CSTF3: variants seen among roughly 807,000 people sequenced by gnomAD.
CSTF3 encodes CF-1 77 kDa subunit.
A neutral mutation model predicts 105.8 loss-of-function variants in CSTF3; 29 were observed. That is an observed-to-expected ratio of 0.27 (90% CI 0.20 to 0.37). The LOEUF (loss-of-function observed/expected upper bound fraction) is 0.37, where lower values mean the gene tolerates loss of function less well. Among genes scored for constraint, CSTF3 ranks in the 10% least tolerant of loss-of-function variants. The pLI is 1.00. For missense variants in CSTF3, 357 were observed against 879.3 expected, an observed-to-expected ratio of 0.41 and a Z score of 7.51; for synonymous variants, 252 against 281.9, an observed-to-expected ratio of 0.89 and a Z score of 1.06.
rs1720415537 is a variant in CSTF3 at position 33,090,565 on chromosome 11, G to A, written c.1608C>T (p.Cys536=). 5 of 1,602,346 alleles carry A rather than the reference G, an allele frequency of 3.1e-6. No homozygotes were observed. The South Asian group carries it at 3.4e-5, about 11-fold the overall frequency. Residue 536 remains cysteine (C), a synonymous_variant, in exon 17 of 21, where the codon TGC becomes TGT. Coordinates refer to ENST00000323959, the MANE Select transcript of CSTF3 (RefSeq NM_001326.3). ...DRYKFMDLYP[C]SASELKALGY... The stretch of plus-strand genomic sequence containing the variant: ...CAAGTGCTTTTAATTCACTTGCAGA[G>A]CAAGGATATAAATCCATGAACTTGT...
intron 19 of CSTF3, 59 bp downstream of exon 19, chr11:33,085,836 T>C (rs369652270): frequency 1.5e-5 from 24 of 1,590,500 alleles, no homozygotes; most frequent in Non-Finnish European, 1.4e-5. Context: ...GTAGTAACTT[T>C]ATACACAATT....
rs1855258761 is a variant in CSTF3 at position 33,099,555 on chromosome 11, G to C, written c.936+53C>G. ...CAGTTATATTTTTCAGTAAATAATT[G>C]CTATATCAAAACCACAAAAATATCA... On this transcript the variant is annotated intron_variant, in intron 11 of 20. Coordinates refer to ENST00000323959, the MANE Select transcript of CSTF3 (RefSeq NM_001326.3). This position sits in a 1 kb window ranked among gnomAD's most constrained non-coding sequence, Gnocchi z 4.1. 2.7e-6 allele frequency: 3 copies of C among 1,130,358 alleles called. No homozygotes were observed. The Admixed American group carries it at 7.0e-5, about 26-fold the overall frequency. The allele number at this position is 1,130,358 out of a possible 1,614,324, so 70.0% of individuals were successfully genotyped here.
intron 3 of CSTF3, among the ~76,000 whole-genome samples, chr11:33,128,575 T>A (rs1444087662): frequency 6.6e-6 from 1 of 152,130 alleles, no homozygotes; most frequent in Non-Finnish European, 1.5e-5. Flanking sequence ...TCATGCTTAT[T>A]CTCCAATTAT....
At position 33,141,771 on chromosome 11, in the gene CSTF3, GA is replaced by G; in HGVS notation, c.130-10del. ...TTGTCTATAGGTTGATTCTAAAATT[GA>G]AAACCAATAAACAGCATTTACAATG... On this transcript the variant is annotated splice_polypyrimidine_tract_variant and intron_variant, in intron 2 of 20. Transcript: ENST00000323959. The G allele has an allele frequency of 6.3e-7, 1 of 1,584,494 alleles. No homozygotes were observed.
intron 1 of CSTF3, chr11:33,144,750 G>A (rs1855759384): frequency 6.5e-6 from 1 of 153,238 alleles, no homozygotes; most frequent in African/African-American, 2.4e-5. Context: ...GGCCGAGACG[G>A]GAGGATTCCT....
rs1010589124 is a variant in CSTF3 at position 33,105,865 on chromosome 11, A to T, written c.458+18T>A. The T allele has an allele frequency of 2.6e-6, 4 of 1,555,328 alleles. No homozygotes were observed. Among genetic ancestry groups the T allele is most frequent in the Non-Finnish European group, 3.5e-6 (4 of 1,149,478 alleles). ...TAAATCAACTGTAGATGTAAAAAAAAACTATACAAATACTTACACGCCTTT... is the reference window on the plus strand; with the variant it reads ...TAAATCAACTGTAGATGTAAAAAAATACTATACAAATACTTACACGCCTTT... On this transcript the variant is annotated intron_variant, in intron 7 of 20. Transcript: ENST00000323959.
chr11:33,135,475 T>C (rs1044748178), intron 3 of CSTF3, among the ~76,000 whole-genome samples: 2 of 152,126 alleles, frequency 1.3e-5, no homozygotes, highest in Non-Finnish European at 2.9e-5. Context: ...AGAGATTGAG[T>C]CAGCAGTGCT....
chr11:33,091,307 A>G (rs1015717828), intron 16 of CSTF3, among the ~76,000 whole-genome samples: 11 of 152,246 alleles, frequency 7.2e-5, no homozygotes, highest in African/African-American at 2.7e-4. Context: ...GCTAAAATTA[A>G]TGCTCTGAGA....
chr11:33,098,645 G>A lies in CSTF3; in HGVS notation c.1128+45C>T, dbSNP rs1590264959. 1.3e-5 allele frequency: 15 copies of A among 1,115,758 alleles called. No homozygotes were observed. In the East Asian group the frequency reaches 3.7e-4, roughly 27 times the overall value. The allele number at this position is 1,115,758 out of a possible 1,614,324, so 69.1% of individuals were successfully genotyped here. A position where few individuals can be genotyped will look rare whatever the true frequency, so the allele number is the denominator to read the frequency against. The stretch of plus-strand genomic sequence containing the variant: ...TATAAATTTAAATTATTTTTTGTTA[G>A]ATAAGACTGTAAAGGTGGAAAAAAA... On this transcript the variant is annotated intron_variant, in intron 13 of 20. Coordinates refer to ENST00000323959, the MANE Select transcript of CSTF3 (RefSeq NM_001326.3).
At chr11:33,158,966 TA>T (rs1323924595) in intron 1 of CSTF3, among the ~76,000 whole-genome samples, 4 of 151,936 alleles carry the variant, frequency 2.6e-5, no homozygotes, top group African/African-American at 7.2e-5. Context: ...ATTCAATATG[TA>T]AATCTAGATT....
At chr11:33,096,279 T>C (rs1183191779) in intron 15 of CSTF3, 27 bp downstream of exon 15, 1 of 1,339,082 alleles carries the variant, frequency 7.5e-7, no homozygotes, top group South Asian at 1.3e-5. Flanking sequence ...TATTAAGTAA[T>C]CATTATAGAT....
At chr11:33,116,654 G>C (rs76619221) in intron 3 of CSTF3, among the ~76,000 whole-genome samples, 2,724 of 152,306 alleles carry the variant, frequency 0.018, 31 homozygotes, top group Non-Finnish European at 0.03. Context: ...CTGACACACA[G>C]AAAACCTTAC....
At position 33,090,475 on chromosome 11, in the gene CSTF3, C is replaced by CAGG. The variant is rs1855158177; in HGVS notation, c.1641+56_1641+57insCCT. ...ATTTAGAGTGCAGGTTATCAATGAA[C>CAGG]TCTTCTAAAACACTGGAAAAGTGAG... On this transcript the variant is annotated intron_variant, in intron 17 of 20. Transcript: ENST00000323959. 3.8e-6 allele frequency: 4 copies of CAGG among 1,058,122 alleles called. No individual in the cohort carries two copies. In the African/African-American group the frequency reaches 4.9e-5, roughly 13 times the overall value. 65.5% of individuals were successfully genotyped at this position (1,058,122 alleles called of 1,614,324 possible). A position where few individuals can be genotyped will look rare whatever the true frequency, so the allele number is the denominator to read the frequency against.
intron 3 of CSTF3, among the ~76,000 whole-genome samples, chr11:33,137,342 CT>C (rs574630526): frequency 8.6e-5 from 13 of 151,726 alleles, no homozygotes; most frequent in Non-Finnish European, 1.6e-4. Flanking sequence ...ATCTAAGTGA[CT>C]ACATCCTTTT....
intron 1 of CSTF3, among the ~76,000 whole-genome samples, chr11:33,149,768 C>A (rs1426105145): frequency 1.3e-5 from 2 of 152,214 alleles, no homozygotes; most frequent in Non-Finnish European, 2.9e-5. Context: ...CCTGTAATCA[C>A]AGCACTTTGG....
At chr11:33,094,036 C>G (rs1030834724) in intron 15 of CSTF3, among the ~76,000 whole-genome samples, 1 of 152,166 alleles carries the variant, frequency 6.6e-6, no homozygotes, top group East Asian at 1.9e-4. Context: ...TGCTCAATAC[C>G]TAATAGTCTA....
chr11:33,106,170 G>GATTAC, intron 5 of CSTF3, 106 bp from the exon 6 acceptor site: 1 of 776,552 alleles, frequency 1.3e-6, no homozygotes, highest in Non-Finnish European at 2.1e-6. Context: ...ACTGCTTTGG[G>GATTAC]AGGCCGAGGC....
intron 17 of CSTF3, among the ~76,000 whole-genome samples, 181 bp from the exon 18 acceptor site, chr11:33,087,322 G>T (rs1257548546): frequency 1.3e-5 from 2 of 152,168 alleles, no homozygotes; most frequent in Non-Finnish European, 2.9e-5. Flanking sequence ...AAGCTATTTG[G>T]TTCTAAGACT....
rs1483730506 is a variant in CSTF3, at chr11:33,096,991, A to C, written c.1129-13T>G. The C allele has an allele frequency of 6.3e-7, 1 of 1,582,640 alleles. No homozygotes were observed. Among genetic ancestry groups the C allele is most frequent in the African/African-American group, 1.3e-5 (1 of 74,174 alleles). Reference sequence around the variant, plus strand: ...ATTGGATATATACCTATGCAAAAGAAAGTATTTGTGTTCTATAAATTAGAC... The same window carrying C: ...ATTGGATATATACCTATGCAAAAGACAGTATTTGTGTTCTATAAATTAGAC... On this transcript the variant is annotated splice_polypyrimidine_tract_variant and intron_variant, in intron 13 of 20. Coordinates refer to ENST00000323959, the MANE Select transcript of CSTF3 (RefSeq NM_001326.3).
Sources: gnomAD v4.1 joint callset for allele counts (sites outside exome capture counted in the v4.1 genomes callset) on GRCh38, gnomAD v4.1.1 for gene constraint, Gnocchi (gnomAD v3.1) non-coding constraint, MANE v1.5 for transcripts, NCBI Gene and HGNC (gene_info 2026-07-23, HGNC 2026-07-21) for gene names.